ERC1: variants seen among roughly 807,000 people sequenced by gnomAD.
ERC1 encodes the protein ELKS/RAB6-interacting/CAST family member 1.
ERC1 carries 56 observed loss-of-function variants against 132.0 expected under a neutral mutation model. That is an observed-to-expected ratio of 0.42 (90% CI 0.34 to 0.53). ERC1 has a LOEUF of 0.53. Among genes scored for constraint, ERC1 ranks in the 20% least tolerant of loss-of-function variants. The probability of loss-of-function intolerance (pLI) is 0.03; values close to 1 mark genes in which losing one functional copy is unlikely to be tolerated. For missense variants in ERC1, 1,202 were observed against 1,349.9 expected, an observed-to-expected ratio of 0.89 and a Z score of 1.72; for synonymous variants, 478 against 476.1, an observed-to-expected ratio of 1.00 and a Z score of -0.05.
At chr12:1,441,632 C>T (rs2093158753) in intron 17 of ERC1, among the ~76,000 whole-genome samples, 3 of 152,108 alleles carry the variant, frequency 2.0e-5, no homozygotes, top group South Asian at 4.1e-4. Context: ...TCTATACCCA[C>T]AAACATGCGC....
chr12:1,354,523 T>TAA lies in ERC1; in HGVS notation c.2781-17299_2781-17298dup, dbSNP rs57274272. 6.3e-3 allele frequency among the ~76,000 whole-genome samples: 932 copies of TAA among 147,896 alleles called. 4 individuals are homozygous for TAA. Among genetic ancestry groups the TAA allele is most frequent in the African/African-American group, 0.021 (842 of 40,234 alleles). ...GGGCGACAAGAGTGAAACTCCATCT[T>TAA]AAAAAAAAAAAACTTAGTTGAAGGT... On this transcript the variant is annotated intron_variant, in intron 15 of 18. Transcript: ENST00000360905.
intron 7 of ERC1, among the ~76,000 whole-genome samples, chr12:1,122,776 G>T (rs940598584): frequency 1.4e-4 from 1 of 6,944 alleles, no homozygotes; most frequent in Non-Finnish European, 7.0e-4. Flanking sequence ...TTTTTCAGAT[G>T]AGTGTGTTTC....
chr12:1,423,416 A>C (rs890950481), intron 17 of ERC1, among the ~76,000 whole-genome samples: 2 of 152,226 alleles, frequency 1.3e-5, no homozygotes, highest in East Asian at 1.9e-4. Flanking sequence ...CAGCTGTTTA[A>C]TCTCACTGTG....
intron 15 of ERC1, among the ~76,000 whole-genome samples, chr12:1,355,099 T>A (rs2085395982): frequency 6.6e-6 from 1 of 152,174 alleles, no homozygotes; most frequent in African/African-American, 2.4e-5. Context: ...GGGGCCAGAT[T>A]GTAAACTTAC....
chr12:1,071,907 C>A (rs991051432), intron 2 of ERC1, among the ~76,000 whole-genome samples: 1 of 152,030 alleles, frequency 6.6e-6, no homozygotes, highest in East Asian at 1.9e-4. Context: ...TTGAGACCAG[C>A]CTGGCCAACA....
intron 17 of ERC1, among the ~76,000 whole-genome samples, chr12:1,429,997 G>A (rs1285972491): frequency 6.6e-6 from 1 of 152,148 alleles, no homozygotes; most frequent in Non-Finnish European, 1.5e-5. Context: ...TCTTAGCTGG[G>A]CAGTTCTTAC....
chr12:1,255,733 C>T (rs1270993990), intron 13 of ERC1, among the ~76,000 whole-genome samples: 2 of 147,494 alleles, frequency 1.4e-5, no homozygotes, highest in East Asian at 4.1e-4. Flanking sequence ...CCCGGGTTCA[C>T]GCCATTCTCC....
chr12:1,400,657 T>C (rs891890797), intron 16 of ERC1, among the ~76,000 whole-genome samples: 8 of 152,144 alleles, frequency 5.3e-5, no homozygotes, highest in African/African-American at 1.9e-4. Flanking sequence ...TCTATTTCTA[T>C]TTGTCCCACA....
chr12:1,449,149 G>T (rs1346574762), intron 18 of ERC1, among the ~76,000 whole-genome samples: 1 of 152,168 alleles, frequency 6.6e-6, no homozygotes, highest in Non-Finnish European at 1.5e-5. Flanking sequence ...TTTACCCAAT[G>T]CCTGTACCCT....
chr12:1,079,169 T>C (rs1941827706), intron 2 of ERC1, among the ~76,000 whole-genome samples: 1 of 144,814 alleles, frequency 6.9e-6, no homozygotes, highest in Non-Finnish European at 1.5e-5. Flanking sequence ...GAGATACAGA[T>C]AGAAATGATT....
chr12:1,466,735 A>G (rs2093751031), intron 18 of ERC1, among the ~76,000 whole-genome samples: 1 of 152,204 alleles, frequency 6.6e-6, no homozygotes, highest in Middle Eastern at 3.2e-3. Flanking sequence ...GAATGCTGTA[A>G]GAAAAGCACT....
chr12:1,068,898 T>C (rs1018051769), intron 2 of ERC1, among the ~76,000 whole-genome samples: 1 of 152,236 alleles, frequency 6.6e-6, no homozygotes, highest in Non-Finnish European at 1.5e-5. Flanking sequence ...TAAGCTAAAC[T>C]GTCTTGAAAA....
At position 1,093,957 on chromosome 12, in the gene ERC1, CTATATATATA is replaced by C. The variant is rs202076174; in HGVS notation, c.1086+10396_1086+10405del. Among the ~76,000 whole-genome samples, 351 of 68,890 alleles carry C rather than the reference CTATATATATA, an allele frequency of 5.1e-3. 12 individuals carry two copies. The East Asian group carries it at 0.052, about 10-fold the overall frequency. The allele number at this position is 68,890 out of a possible 152,430, so 45.2% of individuals were successfully genotyped here. A position where few individuals can be genotyped will look rare whatever the true frequency, so the allele number is the denominator to read the frequency against. On this transcript the variant is annotated intron_variant, in intron 3 of 18. Coordinates refer to ENST00000360905, the MANE Select transcript of ERC1 (RefSeq NM_178040.4). ...TTTCTATATAAATATATATATTTTTCTATATATATATATATATATATATATATAGAAAAAC... is the reference window on the plus strand; with the variant it reads ...TTTCTATATAAATATATATATTTTTCTATATATATATATATATAGAAAAAC...
chr12:1,373,365 C>A (rs574385822), intron 16 of ERC1, among the ~76,000 whole-genome samples: 1 of 152,230 alleles, frequency 6.6e-6, no homozygotes, highest in Non-Finnish European at 1.5e-5. Flanking sequence ...TTAAGCAGTT[C>A]TTGATCTCTT....
intron 14 of ERC1, among the ~76,000 whole-genome samples, chr12:1,276,599 T>G (rs1231450112): frequency 3.3e-5 from 5 of 152,062 alleles, no homozygotes; most frequent in Non-Finnish European, 7.4e-5. Context: ...TAACACTGCA[T>G]TATTATTACG....
intron 16 of ERC1, chr12:1,391,625 T>C (rs1566751053): frequency 6.6e-6 from 1 of 152,440 alleles, no homozygotes; most frequent in Non-Finnish European, 1.5e-5. Context: ...CACCTTCCAG[T>C]GGAGCAAGGA....
chr12:1,330,423 A>C (rs1048384346), intron 15 of ERC1, among the ~76,000 whole-genome samples: 3 of 150,118 alleles, frequency 2.0e-5, no homozygotes, highest in African/African-American at 7.4e-5. Flanking sequence ...GTTTTCCCTC[A>C]CTCCTTCTCC....
intron 18 of ERC1, among the ~76,000 whole-genome samples, chr12:1,473,945 C>G (rs1486163548): frequency 6.6e-6 from 1 of 152,194 alleles, no homozygotes; most frequent in Non-Finnish European, 1.5e-5. Context: ...TAGAGGGATT[C>G]CAGATCCCTC....
intron 17 of ERC1, among the ~76,000 whole-genome samples, chr12:1,432,109 G>A (rs2092813928): frequency 6.6e-6 from 1 of 152,106 alleles, no homozygotes; most frequent in Admixed American, 6.6e-5. Flanking sequence ...GAACTCCTGA[G>A]CTCAAGCAGT....
Sources: gnomAD v4.1 joint callset for allele counts (sites outside exome capture counted in the v4.1 genomes callset) on GRCh38, gnomAD v4.1.1 for gene constraint, MANE v1.5 for transcripts, NCBI Gene and HGNC (gene_info 2026-07-23, HGNC 2026-07-21) for gene names.